Variants in C14orf39 observed in about 807,000 individuals in gnomAD.
C14orf39 encodes the protein chromosome 14 open reading frame 39, also known as protein SIX6OS1.
A neutral mutation model predicts 85.6 loss-of-function variants in C14orf39; 66 were observed. That is an observed-to-expected ratio of 0.77 (90% confidence interval 0.63 to 0.95). C14orf39 has a LOEUF of 0.95. Ranked by LOEUF, C14orf39 falls within the 40% of genes least tolerant of loss-of-function variation. C14orf39 has a pLI of 0.00. For synonymous variants in C14orf39, 242 were observed against 214.0 expected (o/e 1.13, Z -1.14); for missense variants, 735 against 663.9 (o/e 1.11, Z -1.18).
chr14:60,448,567 T>C lies in C14orf39; in HGVS notation c.1503+6434A>G, dbSNP rs1890889408. Among the ~76,000 whole-genome samples, 5 of 152,284 alleles carry C rather than the reference T, an allele frequency of 3.3e-5. No homozygotes were observed. In the South Asian group the frequency reaches 1.0e-3, roughly 32 times the overall value. On this transcript the variant is annotated intron_variant, in intron 16 of 17. Transcript: ENST00000321731. The stretch of plus-strand genomic sequence containing the variant: ...AGAGGATATGGAGAAATAGGAACAC[T>C]TTTACAGTGTTCGTGGGAGTGTAAA...
At chr14:60,483,661 C>T in intron 4 of C14orf39, 30 bp downstream of exon 4, 1 of 1,553,346 alleles carries the variant, frequency 6.4e-7, no homozygotes. Context: ...TAAAAGAATG[C>T]AATGAAAATT....
intron 14 of C14orf39, among the ~76,000 whole-genome samples, chr14:60,457,970 TG>T (rs754934087): frequency 1.4e-4 from 21 of 152,176 alleles, no homozygotes; most frequent in African/African-American, 2.4e-4. Context: ...TTTTTGTATA[TG>T]TTTTTTTAAT....
Position 60,469,659 on chromosome 14 carries a change from T to C in C14orf39, c.555-6A>G, listed in dbSNP as rs1231960788. The stretch of plus-strand genomic sequence containing the variant: ...TTTCACATCTCAAATTAACACTTTT[T>C]ATGTTAAGGAACTATGTCATATAAG... On this transcript the variant is annotated splice_polypyrimidine_tract_variant and splice_region_variant and intron_variant, in intron 7 of 17. Transcript: ENST00000321731. 1.7e-6 allele frequency: 2 copies of C among 1,182,556 alleles called. No individual in the cohort carries two copies. The highest frequency in any genetic ancestry group is 2.3e-6 in the Non-Finnish European group (2 of 852,374). 73.3% of individuals were successfully genotyped at this position (1,182,556 alleles called of 1,614,324 possible).
intron 2 of C14orf39, among the ~76,000 whole-genome samples, chr14:60,498,420 G>T (rs966356819): frequency 3.3e-5 from 5 of 152,180 alleles, no homozygotes; most frequent in Non-Finnish European, 7.3e-5. Flanking sequence ...TGCACTCATA[G>T]GATTAGGGAG....
At chr14:60,492,587 G>A (rs1398829094) in intron 2 of C14orf39, among the ~76,000 whole-genome samples, 2 of 143,592 alleles carry the variant, frequency 1.4e-5, no homozygotes, top group African/African-American at 5.1e-5. Flanking sequence ...GCAACATGGC[G>A]AAACCTTATC....
At chr14:60,510,582 CG>C (rs1893275859) in intron 1 of C14orf39, among the ~76,000 whole-genome samples, 1 of 152,030 alleles carries the variant, frequency 6.6e-6, no homozygotes, top group Non-Finnish European at 1.5e-5. Context: ...CGGAAGAGCC[CG>C]GCCTCATCCC....
chr14:60,489,655 C>T (rs1240070037), upstream of C14orf39, among the ~76,000 whole-genome samples: 1 of 152,152 alleles, frequency 6.6e-6, no homozygotes, highest in Non-Finnish European at 1.5e-5. Flanking sequence ...CTCCTCTTAC[C>T]TCCTCAGAAG....
chr14:60,471,338 A>T, intron 7 of C14orf39, 79 bp downstream of exon 7: 1 of 1,104,920 alleles, frequency 9.1e-7, no homozygotes, highest in Non-Finnish European at 1.3e-6. Context: ...TATTCTCACA[A>T]AGGAAACACA....
At chr14:60,460,665 A>G (rs956827134) in intron 13 of C14orf39, among the ~76,000 whole-genome samples, 3 of 151,872 alleles carry the variant, frequency 2.0e-5, no homozygotes, top group African/African-American at 7.2e-5. Context: ...GTTAATATAC[A>G]TATACATACA....
chr14:60,492,614 AAT>A (rs199938843), intron 2 of C14orf39, among the ~76,000 whole-genome samples: 4,815 of 151,390 alleles, frequency 0.032, 256 homozygotes, highest in African/African-American at 0.11. Flanking sequence ...AAAAAAAAAA[AAT>A]AATAATAAAA....
At chr14:60,458,380 T>G (rs1891374412) in intron 14 of C14orf39, among the ~76,000 whole-genome samples, 1 of 151,980 alleles carries the variant, frequency 6.6e-6, no homozygotes, top group African/African-American at 2.4e-5. Context: ...ATATTTGTCT[T>G]TCTGTACTTG....
intron 1 of C14orf39, chr14:60,511,278 C>A: frequency 6.2e-7 from 1 of 1,610,324 alleles, no homozygotes; most frequent in Non-Finnish European, 8.5e-7. Flanking sequence ...TGCTCAGAAG[C>A]AGATTCCAGT....
At position 60,458,751 on chromosome 14, in the gene C14orf39, T is replaced by A; in HGVS notation, c.1118-12A>T. The A allele has an allele frequency of 1.3e-6, 2 of 1,578,208 alleles. No homozygotes were observed. Among genetic ancestry groups the A allele is most frequent in the Non-Finnish European group, 1.7e-6 (2 of 1,159,684 alleles). On this transcript the variant is annotated splice_polypyrimidine_tract_variant and intron_variant, in intron 13 of 17. Transcript: ENST00000321731. ...TCCATACTCAGCATCTGTTGTCATA[T>A]GAGAACAAACTATTTTTCTTTTTGT...
Position 60,436,767 on chromosome 14 carries a change from C to T in C14orf39, c.*78G>A. 1 of 901,384 alleles carries T rather than the reference C, an allele frequency of 1.1e-6. No homozygotes were observed. Among genetic ancestry groups the T allele is most frequent in the Non-Finnish European group, 1.7e-6 (1 of 575,734 alleles). 55.8% of individuals were successfully genotyped at this position (901,384 alleles called of 1,614,324 possible). A position where few individuals can be genotyped will look rare whatever the true frequency, so the allele number is the denominator to read the frequency against. On this transcript the variant is annotated 3_prime_UTR_variant, in exon 18 of 18. Coordinates refer to ENST00000321731, the MANE Select transcript of C14orf39 (RefSeq NM_174978.3). ...TTAATCAATAAAAGAAAGCAGTCTT[C>T]ATGTTTTAAGCAATAATGTAAATTT...
At chr14:60,451,640 G>T (rs2140055757) in intron 16 of C14orf39, among the ~76,000 whole-genome samples, 1 of 147,342 alleles carries the variant, frequency 6.8e-6, no homozygotes, top group Admixed American at 6.9e-5. Flanking sequence ...TGAACAATGA[G>T]AACTCTTGGA....
Position 60,484,796 on chromosome 14 carries a change from A to G in C14orf39, c.106+85T>C. On this transcript the variant is annotated intron_variant, in intron 3 of 17. Transcript: ENST00000321731. The surrounding 1 kb of genome is among the most constrained non-coding windows in gnomAD (Gnocchi z 4.2). ...ACACAAAAGTTATAACGCCAACAAT[A>G]AGTTGCCCTAAACAGAGCAATTGTA... 1 of 915,044 alleles carries G rather than the reference A, an allele frequency of 1.1e-6. No homozygotes were observed. The highest frequency in any genetic ancestry group is 1.6e-5 in the South Asian group (1 of 64,206). 56.7% of individuals were successfully genotyped at this position (915,044 alleles called of 1,614,324 possible). A position where few individuals can be genotyped will look rare whatever the true frequency, so the allele number is the denominator to read the frequency against.
rs188118733 is a variant in C14orf39, at chr14:60,485,774, C to A, written c.-9+171G>T. 5.1e-3 allele frequency among the ~76,000 whole-genome samples: 769 copies of A among 152,204 alleles called. 2 individuals are homozygous for A. The highest frequency in any genetic ancestry group is 0.017 in the African/African-American group (691 of 41,536). ...CCGAGGCTGCAACACCGCATCCCCC[C>A]CATCCCCCGCCGCGCCCTCAGCCTC... On this transcript the variant is annotated intron_variant, in intron 1 of 17. Transcript: ENST00000321731.
intron 16 of C14orf39, among the ~76,000 whole-genome samples, chr14:60,444,393 C>T (rs1890664867): frequency 6.6e-6 from 1 of 152,084 alleles, no homozygotes; most frequent in African/African-American, 2.4e-5. Flanking sequence ...ACAAGAACTT[C>T]AGGACACATA....
At chr14:60,500,590 A>T (rs1186896819) in intron 1 of C14orf39, among the ~76,000 whole-genome samples, 1 of 152,206 alleles carries the variant, frequency 6.6e-6, no homozygotes, top group Non-Finnish European at 1.5e-5. Context: ...ACACAATGTA[A>T]CCTTCAAAAT....
Sources: allele counts gnomAD v4.1 joint callset (sites outside exome capture counted in the v4.1 genomes callset), GRCh38; gene constraint gnomAD v4.1.1; non-coding constraint Gnocchi (gnomAD v3.1); transcripts MANE v1.5; gene names NCBI Gene and HGNC (gene_info 2026-07-23, HGNC 2026-07-21).